RNF220: variants seen among roughly 807,000 people sequenced by gnomAD.
RNF220 encodes E3 ubiquitin-protein ligase RNF220.
In RNF220, 7 loss-of-function variants were observed where a neutral mutation model predicts 67.1. That is an observed-to-expected ratio of 0.10 (90% CI 0.06 to 0.20). The LOEUF (loss-of-function observed/expected upper bound fraction) is 0.20, where lower values mean the gene tolerates loss of function less well. RNF220 is among the 10% of genes least tolerant of loss of function. The probability of loss-of-function intolerance (pLI) is 1.00; values close to 1 mark genes in which losing one functional copy is unlikely to be tolerated. For synonymous variants in RNF220, 270 were observed against 283.2 expected (o/e 0.95, Z 0.47); for missense variants, 565 against 740.3 (o/e 0.76, Z 2.75).
intron 2 of RNF220, among the ~76,000 whole-genome samples, chr1:44,603,616 G>C (rs907048822): frequency 6.6e-6 from 1 of 152,122 alleles, no homozygotes; most frequent in Non-Finnish European, 1.5e-5. Flanking sequence ...AATGAAGTCA[G>C]TAATTGATGC....
At chr1:44,427,670 C>T (rs1463532796) in intron 2 of RNF220, among the ~76,000 whole-genome samples, 3 of 152,222 alleles carry the variant, frequency 2.0e-5, no homozygotes, top group Admixed American at 1.3e-4. Flanking sequence ...AGAGCTAAAT[C>T]TGTGAGACGA....
At chr1:44,456,552 G>C (rs1557943372) in intron 2 of RNF220, among the ~76,000 whole-genome samples, 1 of 152,154 alleles carries the variant, frequency 6.6e-6, no homozygotes, top group African/African-American at 2.4e-5. Flanking sequence ...ATACAGCAGT[G>C]AACAAAACAG....
chr1:44,598,049 C>T (rs950990556), intron 2 of RNF220, among the ~76,000 whole-genome samples: 1 of 151,898 alleles, frequency 6.6e-6, no homozygotes, highest in African/African-American at 2.4e-5. Flanking sequence ...CCTCATGCCC[C>T]CTGCCCGCCC....
At chr1:44,516,550 A>G (rs941376404) in intron 2 of RNF220, among the ~76,000 whole-genome samples, 5 of 152,146 alleles carry the variant, frequency 3.3e-5, no homozygotes, top group African/African-American at 4.8e-5. Flanking sequence ...TGCTGTCCTC[A>G]TTTTTGTGAT....
At chr1:44,628,265 G>C (rs936500131) in intron 5 of RNF220, among the ~76,000 whole-genome samples, 2 of 152,206 alleles carry the variant, frequency 1.3e-5, no homozygotes, top group Non-Finnish European at 2.9e-5. Flanking sequence ...GTAACCATCA[G>C]GCAACAATGC....
In RNF220 at chr1:44,622,525, G is replaced by A. The variant is rs1164944496; in HGVS notation, c.759-217G>A. Among the ~76,000 whole-genome samples the A allele has an allele frequency of 1.3e-5, 2 of 152,192 alleles. No homozygotes were observed. The highest frequency in any genetic ancestry group is 2.9e-5 in the Non-Finnish European group (2 of 68,020). On this transcript the variant is annotated intron_variant, in intron 3 of 14. Coordinates refer to ENST00000361799, the MANE Select transcript of RNF220 (RefSeq NM_018150.4). The surrounding 1 kb of genome is among the most constrained non-coding windows in gnomAD (Gnocchi z 4.3). ...TAGTGTCTGTGTCTCCCTCCCAGGG[G>A]CCAGCACTAGCCCTTGGCCCAAGAG... is the stretch of plus-strand genomic sequence containing the variant.
At chr1:44,591,940 A>C (rs1666145640) in intron 2 of RNF220, among the ~76,000 whole-genome samples, 1 of 151,000 alleles carries the variant, frequency 6.6e-6, no homozygotes, top group African/African-American at 2.4e-5. Context: ...CTTACTCCTC[A>C]CTTCATCCTC....
intron 2 of RNF220, among the ~76,000 whole-genome samples, chr1:44,511,472 A>T (rs1658988765): frequency 6.6e-6 from 1 of 152,240 alleles, no homozygotes; most frequent in Non-Finnish European, 1.5e-5. Flanking sequence ...TACCTCCTAC[A>T]GGGCAGAGAT....
At chr1:44,597,965 CCTCT>C (rs370031040) in intron 2 of RNF220, among the ~76,000 whole-genome samples, 20 of 141,424 alleles carry the variant, frequency 1.4e-4, no homozygotes, top group African/African-American at 4.1e-4. Context: ...ACCCCACCCA[CCTCT>C]CTCTCTCTCT....
intron 2 of RNF220, among the ~76,000 whole-genome samples, chr1:44,577,106 C>T (rs1664864905): frequency 6.6e-6 from 1 of 152,216 alleles, no homozygotes; most frequent in Non-Finnish European, 1.5e-5. Context: ...CCAACATTGG[C>T]TCAGATAGCC....
rs1158558378 is a variant in RNF220, at chr1:44,551,198, T to A, written c.626-62967T>A. On this transcript the variant is annotated intron_variant, in intron 2 of 14. Transcript: ENST00000361799. ...GGCATGATCCTGACTCACTGCAACC[T>A]TCGCCTTCTGGATTCAAGCAATTCT... is the stretch of plus-strand genomic sequence containing the variant. Among the ~76,000 whole-genome samples, 12 of 136,328 alleles carry A rather than the reference T, an allele frequency of 8.8e-5. No individual in the cohort carries two copies. In the South Asian group the frequency reaches 1.7e-3, roughly 19 times the overall value. 89.4% of individuals were successfully genotyped at this position (136,328 alleles called of 152,430 possible).
chr1:44,644,526 C>T, intron 8 of RNF220, 172 bp from the exon 9 acceptor site: 1 of 590,240 alleles, frequency 1.7e-6, no homozygotes, highest in Non-Finnish European at 3.0e-6. Context: ...GAGTGAAGGG[C>T]CTGAAATGTC....
intron 5 of RNF220, among the ~76,000 whole-genome samples, chr1:44,628,175 T>C (rs909451844): frequency 6.6e-6 from 1 of 152,218 alleles, no homozygotes; most frequent in African/African-American, 2.4e-5. Context: ...TCCAGAGGAA[T>C]AGACAGCCCC....
At chr1:44,536,677 C>T (rs1661246501) in intron 2 of RNF220, among the ~76,000 whole-genome samples, 1 of 152,294 alleles carries the variant, frequency 6.6e-6, no homozygotes, top group South Asian at 2.1e-4. Context: ...GTCTGCCCCT[C>T]GAAAAGGCCC....
At chr1:44,635,322 C>T (rs1644292840) in intron 6 of RNF220, 1 of 552,860 alleles carries the variant, frequency 1.8e-6, no homozygotes, top group Non-Finnish European at 3.2e-6. Context: ...AAAGAGTGGA[C>T]TTACTCACTG....
At chr1:44,482,920 C>A (rs574787292) in intron 2 of RNF220, among the ~76,000 whole-genome samples, 46 of 69,154 alleles carry the variant, frequency 6.7e-4, no homozygotes, top group Admixed American at 9.0e-4. Context: ...CACACCCAGC[C>A]TTTTTTTTTT....
intron 2 of RNF220, among the ~76,000 whole-genome samples, chr1:44,488,727 C>CTTTTTTTTT (rs55968850): frequency 1.5e-4 from 15 of 102,560 alleles, no homozygotes; most frequent in South Asian, 3.5e-4. Flanking sequence ...TTTCTTTTTT[C>CTTTTTTTTT]TTTTTTTTTT....
intron 2 of RNF220, among the ~76,000 whole-genome samples, chr1:44,481,455 A>G (rs1033202381): frequency 6.6e-6 from 1 of 152,122 alleles, no homozygotes; most frequent in African/African-American, 2.4e-5. Flanking sequence ...CAAACACCGC[A>G]TGTTCTTACT....
chr1:44,460,141 C>T (rs973834597), intron 2 of RNF220, among the ~76,000 whole-genome samples: 1 of 152,206 alleles, frequency 6.6e-6, no homozygotes, highest in Admixed American at 6.5e-5. Flanking sequence ...CCTCATCGTT[C>T]CTCGTCTCAC....
Sources: allele counts gnomAD v4.1 joint callset (sites outside exome capture counted in the v4.1 genomes callset), GRCh38; gene constraint gnomAD v4.1.1; non-coding constraint Gnocchi (gnomAD v3.1); transcripts MANE v1.5; gene names NCBI Gene and HGNC (gene_info 2026-07-23, HGNC 2026-07-21).